Variants in CTNND2 observed in about 807,000 individuals in gnomAD.
The protein encoded by CTNND2 is catenin delta 2, also known as catenin delta-2.
A neutral mutation model predicts 144.4 loss-of-function variants in CTNND2; 22 were observed. The observed-to-expected ratio is 0.15, with a 90% CI of 0.11 to 0.22. The LOEUF is 0.22. Ranked by LOEUF, CTNND2 falls within the 10% of genes least tolerant of loss-of-function variation. The pLI, the probability that CTNND2 is intolerant of heterozygous loss-of-function variation, is 1.00. For synonymous variants in CTNND2, 751 were observed against 695.6 expected, an observed-to-expected ratio of 1.08 and a Z score of -1.25; for missense variants, 1,353 against 1,618.8, an observed-to-expected ratio of 0.84 and a Z score of 2.82.
intron 2 of CTNND2, among the ~76,000 whole-genome samples, chr5:11,708,089 C>A (rs1785812715): frequency 6.6e-6 from 1 of 151,092 alleles, no homozygotes; most frequent in Admixed American, 6.6e-5. Flanking sequence ...CTCTGTCACT[C>A]AGGTTGGAGT....
At chr5:10,991,030 A>C (rs1381479075) in intron 19 of CTNND2, among the ~76,000 whole-genome samples, 1 of 152,250 alleles carries the variant, frequency 6.6e-6, no homozygotes, top group Non-Finnish European at 1.5e-5. Context: ...AATTACAGAA[A>C]TAAGAGGCCT....
At chr5:11,228,231 G>A (rs1166143747) in intron 10 of CTNND2, among the ~76,000 whole-genome samples, 1 of 151,490 alleles carries the variant, frequency 6.6e-6, no homozygotes, top group African/African-American at 2.4e-5. Context: ...TGTAATTCTA[G>A]CTGCTTGGGA....
chr5:11,664,195 T>C (rs539046177), intron 2 of CTNND2, among the ~76,000 whole-genome samples: 2 of 152,338 alleles, frequency 1.3e-5, no homozygotes, highest in African/African-American at 4.8e-5. Context: ...ATTATGTACA[T>C]ACTATATTGT....
intron 9 of CTNND2, among the ~76,000 whole-genome samples, chr5:11,330,827 G>A (rs988884132): frequency 6.7e-6 from 1 of 149,044 alleles, no homozygotes; most frequent in Non-Finnish European, 1.5e-5. Flanking sequence ...AACTTATACA[G>A]AGCAAGTCCA....
chr5:11,632,784 G>T (rs1781481256), intron 2 of CTNND2, among the ~76,000 whole-genome samples: 1 of 152,120 alleles, frequency 6.6e-6, no homozygotes, highest in South Asian at 2.1e-4. Flanking sequence ...AATACAGGAT[G>T]TTAATAAAAA....
chr5:11,117,649 T>G (rs768621497), intron 12 of CTNND2, 82 bp from the exon 13 acceptor site: 33 of 1,106,428 alleles, frequency 3.0e-5, no homozygotes, highest in Non-Finnish European at 4.5e-5. Flanking sequence ...CTCTCATAGT[T>G]TGAAAGTAAA....
chr5:11,775,283 C>T (rs6867416), intron 1 of CTNND2, among the ~76,000 whole-genome samples: 123,951 of 152,148 alleles, frequency 0.81, 54,906 homozygotes, highest in Non-Finnish European at 0.98. Context: ...GAAAATTGGA[C>T]ATAAAATTCT....
At chr5:11,009,076 C>A (rs1740789549) in intron 18 of CTNND2, among the ~76,000 whole-genome samples, 3 of 152,184 alleles carry the variant, frequency 2.0e-5, no homozygotes, top group Admixed American at 2.0e-4. Flanking sequence ...ATGACAAAAG[C>A]TACAGGGGCA....
Position 11,844,077 on chromosome 5 carries a change from C to T in CTNND2, c.37+59740G>A, listed in dbSNP as rs1017766188. Among the ~76,000 whole-genome samples the T allele has an allele frequency of 2.6e-5, 4 of 152,184 alleles. No individual in the cohort carries two copies. The South Asian group carries it at 8.3e-4, about 32-fold the overall frequency. The stretch of plus-strand genomic sequence containing the variant: ...GAGATTTTAGTTTACTCATCATTTA[C>T]TGAGGGCATTGGCTGTTATACTGAT... On this transcript the variant is annotated intron_variant, in intron 1 of 21. Coordinates refer to ENST00000304623, the MANE Select transcript of CTNND2 (RefSeq NM_001332.4).
At chr5:11,266,310 C>A (rs952831925) in intron 9 of CTNND2, among the ~76,000 whole-genome samples, 1 of 152,110 alleles carries the variant, frequency 6.6e-6, no homozygotes, top group Non-Finnish European at 1.5e-5. Context: ...AATGGATTCT[C>A]GCCTCATTTC....
chr5:10,988,512 C>G lies in CTNND2; in HGVS notation c.3212-270G>C, dbSNP rs886784801. On this transcript the variant is annotated intron_variant, in intron 19 of 21. Coordinates refer to ENST00000304623, the MANE Select transcript of CTNND2 (RefSeq NM_001332.4). This position sits in a 1 kb window ranked among gnomAD's most constrained non-coding sequence, Gnocchi z 5.9. Reference sequence around the variant, plus strand: ...GACCACATCCTGGGGCCATCTTCCTCAGAGAGAGATCATGGAGGGGACGTG... The same window carrying G: ...GACCACATCCTGGGGCCATCTTCCTGAGAGAGAGATCATGGAGGGGACGTG... Among the ~76,000 whole-genome samples, 1 of 152,146 alleles carries G rather than the reference C, an allele frequency of 6.6e-6. No individual in the cohort carries two copies. The highest frequency in any genetic ancestry group is 2.4e-5 in the African/African-American group (1 of 41,426).
intron 2 of CTNND2, among the ~76,000 whole-genome samples, chr5:11,618,916 T>C (rs1581616959): frequency 6.6e-6 from 1 of 152,332 alleles, no homozygotes; most frequent in African/African-American, 2.4e-5. Context: ...ATTAAGTAAC[T>C]AGAAACCATA....
intron 1 of CTNND2, among the ~76,000 whole-genome samples, chr5:11,740,920 C>T (rs1410747529): frequency 6.6e-6 from 1 of 152,188 alleles, no homozygotes; most frequent in Non-Finnish European, 1.5e-5. Context: ...TTCATACAGG[C>T]ACTTCTCAAA....
intron 11 of CTNND2, among the ~76,000 whole-genome samples, chr5:11,181,776 C>T (rs182524966): frequency 1.9e-4 from 18 of 94,796 alleles, no homozygotes; most frequent in Non-Finnish European, 3.5e-4. Flanking sequence ...GTGTGTGTGT[C>T]TGTGTGTGTG....
chr5:11,238,360 A>G (rs748505771), intron 9 of CTNND2, among the ~76,000 whole-genome samples: 3 of 152,328 alleles, frequency 2.0e-5, no homozygotes, highest in Non-Finnish European at 4.4e-5. Flanking sequence ...TCCTCATGAA[A>G]CAACTCAAAA....
At chr5:11,053,569 C>T (rs946211736) in intron 16 of CTNND2, among the ~76,000 whole-genome samples, 9 of 152,216 alleles carry the variant, frequency 5.9e-5, no homozygotes, top group African/African-American at 2.2e-4. Context: ...AGACGCAGCA[C>T]TGTTACCTTG....
At chr5:11,392,003 A>G (rs1324527119) in intron 6 of CTNND2, among the ~76,000 whole-genome samples, 3 of 152,248 alleles carry the variant, frequency 2.0e-5, no homozygotes, top group Non-Finnish European at 4.4e-5. Context: ...ATAATAACAG[A>G]AACCACCCTC....
In CTNND2 at chr5:11,346,625, G is replaced by C; in HGVS notation, c.1375C>G (p.Pro459Ala). The C allele has an allele frequency of 2.7e-6, 4 of 1,488,974 alleles. No individual in the cohort carries two copies. The highest frequency in any genetic ancestry group is 3.6e-6 in the Non-Finnish European group (4 of 1,116,040). 92.2% of individuals were successfully genotyped at this position (1,488,974 alleles called of 1,614,324 possible). A position where few individuals can be genotyped will look rare whatever the true frequency, so the allele number is the denominator to read the frequency against. Residue 459 changes from proline to alanine, a missense_variant and splice_region_variant, in exon 9 of 22, where the codon CCA (proline) becomes GCA (alanine). Coordinates refer to ENST00000304623, the MANE Select transcript of CTNND2 (RefSeq NM_001332.4). The part of the protein sequence containing the change: ...HTGTYRTSTA[P>A]SSPGVDSVPL... ...ACGGAGTCGACACCAGGGGAAGATGGGGCTACGACAGGAAAGTAGGGACAA... is the reference window on the plus strand; with the variant it reads ...ACGGAGTCGACACCAGGGGAAGATGCGGCTACGACAGGAAAGTAGGGACAA...
intron 12 of CTNND2, among the ~76,000 whole-genome samples, chr5:11,131,188 C>T (rs1451892856): frequency 6.6e-6 from 1 of 152,108 alleles, no homozygotes; most frequent in Non-Finnish European, 1.5e-5. Flanking sequence ...AGAACCTAAG[C>T]CTTAAAATGT....
Sources: gnomAD v4.1 joint callset for allele counts (sites outside exome capture counted in the v4.1 genomes callset) on GRCh38, gnomAD v4.1.1 for gene constraint, Gnocchi (gnomAD v3.1) non-coding constraint, MANE v1.5 for transcripts, NCBI Gene and HGNC (gene_info 2026-07-23, HGNC 2026-07-21) for gene names.